EXOC2: variants seen among roughly 807,000 people sequenced by gnomAD.
The protein encoded by EXOC2 is SEC5-like 1.
Under a neutral mutation model 131.8 loss-of-function variants are expected in EXOC2, and 70 were observed. That is an observed-to-expected ratio of 0.53 (90% CI 0.44 to 0.65). The LOEUF is 0.65. Among genes scored for constraint, EXOC2 ranks in the 30% least tolerant of loss-of-function variants. The probability of loss-of-function intolerance (pLI) is 0.00; values close to 1 mark genes in which losing one functional copy is unlikely to be tolerated. For missense variants in EXOC2, 923 were observed against 1,108.6 expected (o/e 0.83, Z 2.38); for synonymous variants, 411 against 398.4 (o/e 1.03, Z -0.38).
chr6:502,467 C>G (rs1219673087), intron 23 of EXOC2, among the ~76,000 whole-genome samples: 1 of 152,166 alleles, frequency 6.6e-6, no homozygotes, highest in Non-Finnish European at 1.5e-5. Flanking sequence ...TGACAGCCTG[C>G]TGTGAACTCA....
At chr6:613,459 G>GA (rs1348808260) in intron 6 of EXOC2, among the ~76,000 whole-genome samples, 4 of 149,670 alleles carry the variant, frequency 2.7e-5, no homozygotes, top group Non-Finnish European at 2.9e-5. Flanking sequence ...AAGAAAGAAA[G>GA]AAAAAAACAA....
chr6:582,034 A>G (rs1395698449), intron 11 of EXOC2, among the ~76,000 whole-genome samples: 1 of 152,228 alleles, frequency 6.6e-6, no homozygotes, highest in Non-Finnish European at 1.5e-5. Context: ...TAATGAAACA[A>G]TCCTAGTCAC....
At chr6:600,388 T>C (rs960442985) in intron 7 of EXOC2, among the ~76,000 whole-genome samples, 8 of 152,208 alleles carry the variant, frequency 5.3e-5, no homozygotes, top group Non-Finnish European at 1.0e-4. Flanking sequence ...ATTTGAAATC[T>C]GATTAGGGTT....
At chr6:491,096 G>A (rs772333276) in intron 26 of EXOC2, 29 bp downstream of exon 26, 24 of 1,608,952 alleles carry the variant, frequency 1.5e-5, no homozygotes, top group Non-Finnish European at 1.9e-5. Context: ...TTTTAATAGA[G>A]CACTCAACTA....
intron 3 of EXOC2, among the ~76,000 whole-genome samples, chr6:631,779 G>C (rs1384365433): frequency 6.6e-6 from 1 of 151,966 alleles, no homozygotes; most frequent in African/African-American, 2.4e-5. Flanking sequence ...AATAAAAAGA[G>C]TAAACAAAAA....
chr6:502,255 G>A (rs1166815082), intron 23 of EXOC2, among the ~76,000 whole-genome samples: 1 of 152,138 alleles, frequency 6.6e-6, no homozygotes, highest in Non-Finnish European at 1.5e-5. Flanking sequence ...TGAGAACCGG[G>A]GTCCTGTCAA....
Position 624,337 on chromosome 6 carries a change from G to A in EXOC2, c.423-4794C>T, listed in dbSNP as rs554400794. Among the ~76,000 whole-genome samples the A allele has an allele frequency of 7.9e-4, 121 of 152,292 alleles. 2 individuals are homozygous for A. In the South Asian group the frequency reaches 0.024, roughly 30 times the overall value. ...TTGCTCAATCCACCTGTATAATCTC[G>A]AGAAGTTATTCCATTATGAATGGAT... On this transcript the variant is annotated intron_variant, in intron 4 of 27. Transcript: ENST00000230449.
intron 26 of EXOC2, among the ~76,000 whole-genome samples, chr6:490,458 T>C (rs1315449014): frequency 6.6e-6 from 1 of 152,144 alleles, no homozygotes; most frequent in East Asian, 1.9e-4. Flanking sequence ...GCTAACTTCA[T>C]TGGTTAGGAA....
chr6:628,495 G>C (rs938006350), intron 4 of EXOC2, among the ~76,000 whole-genome samples: 2 of 152,190 alleles, frequency 1.3e-5, no homozygotes, highest in Non-Finnish European at 2.9e-5. Context: ...GAACAGGGGT[G>C]GGGGTAAACA....
intron 6 of EXOC2, among the ~76,000 whole-genome samples, chr6:612,433 T>C (rs1760762733): frequency 6.6e-6 from 1 of 152,252 alleles, no homozygotes; most frequent in Non-Finnish European, 1.5e-5. Context: ...TTCAAACATT[T>C]AGTTTCTATT....
At chr6:636,171 G>A (rs1440903875) in intron 2 of EXOC2, among the ~76,000 whole-genome samples, 1 of 152,234 alleles carries the variant, frequency 6.6e-6, no homozygotes, top group Non-Finnish European at 1.5e-5. Flanking sequence ...CTATTGTCAT[G>A]TTTGGGAGCG....
In EXOC2 at chr6:598,094, C is replaced by T. The variant is rs761429763; in HGVS notation, c.1000G>A (p.Ala334Thr). The T allele has an allele frequency of 1.1e-5, 18 of 1,613,242 alleles. No homozygotes were observed. In the East Asian group the frequency reaches 4.0e-4, roughly 36 times the overall value. The change falls in exon 10 of 28, where the codon GCT (alanine) becomes ACT (threonine). Residue 334 changes from alanine (A) to threonine (T), a missense_variant. Physicochemically the swap from Ala to Thr is moderately conservative, Grantham distance 58 (BLOSUM62 0). Coordinates refer to ENST00000230449, the MANE Select transcript of EXOC2 (RefSeq NM_018303.6). ...TTATCCAGAAGTAATTCTCTTAAAG[C>T]TTCAATCCTTGTTTCTACTTCAGCA... is the stretch of plus-strand genomic sequence containing the variant. ...YYAEVETRIEALRELLLDKLL... is the reference protein window; with the variant it reads ...YYAEVETRIETLRELLLDKLL...
chr6:609,956 T>A, intron 7 of EXOC2, 142 bp downstream of exon 7: 2 of 621,100 alleles, frequency 3.2e-6, no homozygotes, highest in African/African-American at 3.7e-5. Flanking sequence ...TATTCTCCTT[T>A]GTGTTCATTA....
chr6:587,526 G>A (rs1759280255), intron 11 of EXOC2, among the ~76,000 whole-genome samples: 1 of 152,220 alleles, frequency 6.6e-6, no homozygotes, highest in Admixed American at 6.5e-5. Context: ...TTACAGGCGT[G>A]AGCCACCGCG....
At chr6:619,368 G>T (rs986428121) in intron 5 of EXOC2, 62 bp downstream of exon 5, 14 of 1,355,478 alleles carry the variant, frequency 1.0e-5, no homozygotes, top group African/African-American at 7.2e-5. Flanking sequence ...GAGTTACCGT[G>T]TAATTCCATC....
rs548958899 is a variant in EXOC2 at position 626,557 on chromosome 6, G to C, written c.422+3278C>G. On this transcript the variant is annotated intron_variant, in intron 4 of 27. Transcript: ENST00000230449. ...GAAGGCTGCCTCCCCACTGCAATCTGATAACTCACTAGGACCACAGCACTC... is the reference window on the plus strand; with the variant it reads ...GAAGGCTGCCTCCCCACTGCAATCTCATAACTCACTAGGACCACAGCACTC... Among the ~76,000 whole-genome samples the C allele has an allele frequency of 4.6e-5, 7 of 151,970 alleles. No individual in the cohort carries two copies. In the East Asian group the frequency reaches 1.4e-3, roughly 29 times the overall value.
At chr6:562,330 C>T (rs1757742871) in intron 17 of EXOC2, among the ~76,000 whole-genome samples, 2 of 152,208 alleles carry the variant, frequency 1.3e-5, no homozygotes, top group Admixed American at 1.3e-4. Context: ...AAAGTCCCAG[C>T]TGAAAAGATG....
At chr6:669,684 G>C (rs1203888097) in intron 1 of EXOC2, 1 of 151,678 alleles carries the variant, frequency 6.6e-6, no homozygotes, top group African/African-American at 2.5e-5. Context: ...GGAGAAGGAT[G>C]GCAACAGTTG....
At chr6:564,455 G>A in intron 15 of EXOC2, 90 bp downstream of exon 15, 2 of 1,516,758 alleles carry the variant, frequency 1.3e-6, no homozygotes, top group Admixed American at 1.8e-5. Context: ...AGAAAAAGAA[G>A]AATTTCTTCT....
Sources: allele counts gnomAD v4.1 joint callset (sites outside exome capture counted in the v4.1 genomes callset), GRCh38; gene constraint gnomAD v4.1.1; transcripts MANE v1.5; gene names NCBI Gene and HGNC (gene_info 2026-07-23, HGNC 2026-07-21).